Variants in EFL1 observed in about 807,000 individuals in gnomAD.
EFL1 encodes elongation factor like GTPase 1.
Under a neutral mutation model 126.7 loss-of-function variants are expected in EFL1, and 76 were observed. That is an observed-to-expected ratio of 0.60 (90% CI 0.50 to 0.73). The LOEUF (loss-of-function observed/expected upper bound fraction) is 0.73, where lower values mean the gene tolerates loss of function less well. Among genes scored for constraint, EFL1 ranks in the 30% least tolerant of loss-of-function variants. The pLI, the probability that EFL1 is intolerant of heterozygous loss-of-function variation, is 0.00. For missense variants in EFL1, 1,128 were observed against 1,343.2 expected (o/e 0.84, Z 2.50); for synonymous variants, 410 against 448.4 (o/e 0.91, Z 1.08).
intron 4 of EFL1, among the ~76,000 whole-genome samples, chr15:82,248,014 T>C (rs952831862): frequency 1.6e-4 from 25 of 152,218 alleles, no homozygotes; most frequent in Non-Finnish European, 2.8e-4. Flanking sequence ...ATGTGGGTTC[T>C]AGGACTACTA....
intron 2 of EFL1, among the ~76,000 whole-genome samples, chr15:82,261,184 C>A (rs1270227547): frequency 2.0e-5 from 3 of 152,126 alleles, no homozygotes; most frequent in Non-Finnish European, 4.4e-5. Flanking sequence ...TCCTAATCCT[C>A]TAGTTCTCCC....
chr15:82,219,913 G>C, intron 13 of EFL1, 95 bp from the exon 14 acceptor site: 1 of 1,492,240 alleles, frequency 6.7e-7, no homozygotes, highest in Non-Finnish European at 9.0e-7. Flanking sequence ...GATATCTTTC[G>C]TCAAGTTTCA....
intron 15 of EFL1, among the ~76,000 whole-genome samples, chr15:82,203,763 C>T (rs1251102816): frequency 6.6e-6 from 1 of 152,196 alleles, no homozygotes; most frequent in Non-Finnish European, 1.5e-5. Flanking sequence ...GAAGTTGATA[C>T]ATATAATGTA....
rs1467727243 is a variant in EFL1, at chr15:82,227,503, G to A, written c.1139C>T (p.Thr380Ile). Residue 380 changes from threonine (T) to isoleucine (I), a missense_variant, in exon 11 of 20, where the codon ACA (threonine) becomes ATA (isoleucine). Physicochemically the swap from Thr to Ile is moderately conservative, Grantham distance 89. Transcript: ENST00000268206. ...AAAAGAGTCAAAAGTTTGTGATCCT[G>A]TGCACATCAGTCTCTCCACTCTCTC... ...TAERVERLMC[T>I]GSQTFDSFPP... The A allele has an allele frequency of 5.0e-6, 8 of 1,614,030 alleles. No individual in the cohort carries two copies. Among genetic ancestry groups the A allele is most frequent in the Non-Finnish European group, 6.8e-6 (8 of 1,180,008 alleles).
At chr15:82,131,661 G>A (rs779163589) in intron 19 of EFL1, among the ~76,000 whole-genome samples, 2 of 152,012 alleles carry the variant, frequency 1.3e-5, no homozygotes, top group South Asian at 2.1e-4. Context: ...GCTTGATGGC[G>A]CATGCCTGTA....
chr15:82,138,551 G>A, intron 19 of EFL1, 107 bp downstream of exon 19: 1 of 1,347,310 alleles, frequency 7.4e-7, no homozygotes. Context: ...TTGAGCCATA[G>A]GAAGGCCAAA....
At chr15:82,261,621 C>G in intron 2 of EFL1, 67 bp downstream of exon 2, 1 of 1,447,990 alleles carries the variant, frequency 6.9e-7, no homozygotes, top group Non-Finnish European at 9.6e-7. Flanking sequence ...CAGCTTCACT[C>G]CACTGAGACA....
intron 15 of EFL1, chr15:82,174,258 A>C (rs2074169376): frequency 6.6e-6 from 1 of 152,108 alleles, no homozygotes; most frequent in Non-Finnish European, 1.5e-5. Flanking sequence ...TCTCTACCAC[A>C]AAGTATGCAG....
chr15:82,191,024 TA>T lies in EFL1; in HGVS notation c.1750+23692del, dbSNP rs572482476. On this transcript the variant is annotated intron_variant, in intron 15 of 19. Coordinates refer to ENST00000268206, the MANE Select transcript of EFL1 (RefSeq NM_024580.6). The stretch of plus-strand genomic sequence containing the variant: ...CATCTTATTGGTATCCCTACTGTAA[TA>T]AAAAAAAAAGGGGGGGGAGTTTATT... 2.3e-3 allele frequency among the ~76,000 whole-genome samples: 326 copies of T among 143,808 alleles called. 3 individuals carry two copies. The highest frequency in any genetic ancestry group is 0.01 in the Middle Eastern group (3 of 290). 94.3% of individuals were successfully genotyped at this position (143,808 alleles called of 152,430 possible).
At chr15:82,195,400 T>C (rs1255789687) in intron 15 of EFL1, among the ~76,000 whole-genome samples, 3 of 152,174 alleles carry the variant, frequency 2.0e-5, no homozygotes, top group African/African-American at 7.2e-5. Context: ...TTAATATATC[T>C]ACTAATGAAA....
chr15:82,138,593 C>A, intron 19 of EFL1, 65 bp downstream of exon 19: 1 of 1,551,972 alleles, frequency 6.4e-7, no homozygotes, highest in Non-Finnish European at 8.7e-7. Context: ...CTACTCTTGG[C>A]CTCCTCTGTA....
In EFL1 at chr15:82,145,379, C is replaced by A. The variant is rs1392113645; in HGVS notation, c.2989+6086G>T. 2.0e-5 allele frequency among the ~76,000 whole-genome samples: 3 copies of A among 150,500 alleles called. No homozygotes were observed. The East Asian group carries it at 5.9e-4, about 29-fold the overall frequency. ...ATACGTTAAAGTACATGTGTTCCAACAATATTGGCATTTATTCCTATGTGT... is the reference window on the plus strand; with the variant it reads ...ATACGTTAAAGTACATGTGTTCCAAAAATATTGGCATTTATTCCTATGTGT... On this transcript the variant is annotated intron_variant, in intron 18 of 19. Transcript: ENST00000268206.
rs760955432 is a variant in EFL1, at chr15:82,170,106, CTTTTT to C, written c.1751-6127_1751-6123del. ...GTGTGGAAATGGCACCACTGGATGTCTTTTTTTTTTTTTTTTTTTTTTTTTTGAGA... is the reference window on the plus strand; with the variant it reads ...GTGTGGAAATGGCACCACTGGATGTCTTTTTTTTTTTTTTTTTTTTTGAGA... On this transcript the variant is annotated intron_variant, in intron 15 of 19. Transcript: ENST00000268206. 1.8e-4 allele frequency among the ~76,000 whole-genome samples: 14 copies of C among 78,880 alleles called. No individual in the cohort carries two copies. The East Asian group carries it at 5.3e-3, about 30-fold the overall frequency. 51.7% of individuals were successfully genotyped at this position (78,880 alleles called of 152,430 possible).
chr15:82,192,522 T>C (rs1324222990), intron 15 of EFL1, among the ~76,000 whole-genome samples: 1 of 152,156 alleles, frequency 6.6e-6, no homozygotes, highest in Non-Finnish European at 1.5e-5. Context: ...TGACAAAAAT[T>C]AGAATTATTC....
chr15:82,239,009 A>C (rs1438730829), intron 6 of EFL1, among the ~76,000 whole-genome samples: 1 of 152,184 alleles, frequency 6.6e-6, no homozygotes, highest in Admixed American at 6.5e-5. Context: ...CCTCAGAGAG[A>C]AAATGGAACC....
intron 19 of EFL1, among the ~76,000 whole-genome samples, chr15:82,134,671 C>T (rs1427122067): frequency 1.3e-5 from 2 of 152,206 alleles, no homozygotes; most frequent in Non-Finnish European, 2.9e-5. Context: ...AACTTTAGCC[C>T]ACCCCTCAGG....
intron 15 of EFL1, among the ~76,000 whole-genome samples, chr15:82,206,434 A>G (rs904088490): frequency 2.0e-5 from 3 of 152,206 alleles, no homozygotes; most frequent in African/African-American, 7.2e-5. Flanking sequence ...AACTACAGAT[A>G]CAGAAGTAAA....
chr15:82,197,348 T>C (rs2074418964), intron 15 of EFL1, among the ~76,000 whole-genome samples: 1 of 152,166 alleles, frequency 6.6e-6, no homozygotes. Flanking sequence ...ATAAAACAAA[T>C]TCAGATACAA....
chr15:82,233,825 G>A (rs972512922), intron 7 of EFL1: 6 of 152,152 alleles, frequency 3.9e-5, no homozygotes, highest in African/African-American at 1.4e-4. Context: ...ATTCTGGAAT[G>A]TGCTCATTTT....
Sources: gnomAD v4.1 joint callset for allele counts (sites outside exome capture counted in the v4.1 genomes callset) on GRCh38, gnomAD v4.1.1 for gene constraint, MANE v1.5 for transcripts, NCBI Gene and HGNC (gene_info 2026-07-23, HGNC 2026-07-21) for gene names.